Variants in TRPS1 observed in about 807,000 individuals in gnomAD.
TRPS1 encodes transcriptional repressor GATA binding 1, also known as zinc finger transcription factor Trps1.
In TRPS1, 6 loss-of-function variants were observed where a neutral mutation model predicts 101.2. That is an observed-to-expected ratio of 0.06 (90% confidence interval 0.03 to 0.12). The LOEUF (loss-of-function observed/expected upper bound fraction) is 0.12. TRPS1 is among the 10% of genes least tolerant of loss of function. The pLI is 1.00. For synonymous variants in TRPS1, 578 were observed against 589.8 expected (o/e 0.98, Z 0.29); for missense variants, 1,363 against 1,567.0 (o/e 0.87, Z 2.20).
intron 5 of TRPS1, among the ~76,000 whole-genome samples, chr8:115,527,024 C>T (rs1816014146): frequency 6.6e-6 from 1 of 152,074 alleles, no homozygotes; most frequent in African/African-American, 2.4e-5. Flanking sequence ...GGCCCAGCAT[C>T]CTTTGGGAAC....
chr8:115,633,085 A>AT (rs1818684818), intron 1 of TRPS1, among the ~76,000 whole-genome samples: 1 of 152,108 alleles, frequency 6.6e-6, no homozygotes, highest in Non-Finnish European at 1.5e-5. Flanking sequence ...TGATGAGCAA[A>AT]TCAAGCAATC....
rs1010641248 is a variant in TRPS1, at chr8:115,459,710, G to A, written c.2701-41258C>T. ...CAGAGTTCTCATTTCTTTTAATGTA[G>A]TTAGTTACACTATGAAATCCCTATA... On this transcript the variant is annotated intron_variant, in intron 5 of 6. Coordinates refer to ENST00000395715, the MANE Select transcript of TRPS1 (RefSeq NM_014112.5). Among the ~76,000 whole-genome samples, 9 of 152,208 alleles carry A rather than the reference G, an allele frequency of 5.9e-5. No homozygotes were observed. The East Asian group carries it at 1.7e-3, about 29-fold the overall frequency.
At chr8:115,638,658 C>T (rs1042297033) in intron 1 of TRPS1, among the ~76,000 whole-genome samples, 1 of 152,120 alleles carries the variant, frequency 6.6e-6, no homozygotes, top group Admixed American at 6.5e-5. Context: ...TTTACACATA[C>T]ACTCAGGAAA....
intron 5 of TRPS1, among the ~76,000 whole-genome samples, chr8:115,479,616 C>G (rs975864245): frequency 1.3e-5 from 2 of 152,066 alleles, no homozygotes; most frequent in African/African-American, 4.8e-5. Flanking sequence ...AATTTTGTAT[C>G]TAAATATTCC....
chr8:115,603,654 C>T (rs1010546011), intron 4 of TRPS1, among the ~76,000 whole-genome samples: 2 of 152,020 alleles, frequency 1.3e-5, no homozygotes, highest in Non-Finnish European at 2.9e-5. Flanking sequence ...GAAACATGAG[C>T]ATACAGTCCA....
intron 2 of TRPS1, 65 bp downstream of exon 2, chr8:115,623,536 A>G: frequency 6.4e-7 from 1 of 1,563,744 alleles, no homozygotes; most frequent in Non-Finnish European, 8.8e-7. Flanking sequence ...AGATTGCACG[A>G]TGTTTTACTG....
chr8:115,416,343 T>C lies in TRPS1; in HGVS notation c.2824-1259A>G, dbSNP rs1293027135. ...AAATCAAAGGAATCAGTTTGATAAATTAATGCGTATTTATAGGTTAAAAAT... is the reference window on the plus strand; with the variant it reads ...AAATCAAAGGAATCAGTTTGATAAACTAATGCGTATTTATAGGTTAAAAAT... On this transcript the variant is annotated intron_variant, in intron 6 of 6. Transcript: ENST00000395715. 2.0e-5 allele frequency among the ~76,000 whole-genome samples: 3 copies of C among 151,746 alleles called. No individual in the cohort carries two copies. In the East Asian group the frequency reaches 5.8e-4, roughly 29 times the overall value.
intron 1 of TRPS1, among the ~76,000 whole-genome samples, chr8:115,627,314 GT>G (rs1254388899): frequency 6.6e-6 from 1 of 151,532 alleles, no homozygotes; most frequent in Non-Finnish European, 1.5e-5. Flanking sequence ...TTTTCCTTTT[GT>G]TTTCCTCTCA....
At chr8:115,453,936 C>A (rs987255710) in intron 5 of TRPS1, among the ~76,000 whole-genome samples, 1 of 152,184 alleles carries the variant, frequency 6.6e-6, no homozygotes, top group Non-Finnish European at 1.5e-5. Context: ...GGTCATTCAA[C>A]TTCAGTGAAG....
chr8:115,528,438 G>T (rs1239607596), intron 5 of TRPS1, among the ~76,000 whole-genome samples: 1 of 152,012 alleles, frequency 6.6e-6, no homozygotes, highest in Non-Finnish European at 1.5e-5. Flanking sequence ...GAAAATGAGA[G>T]GGTCAGGATT....
At chr8:115,431,791 T>C (rs888972997) in intron 5 of TRPS1, among the ~76,000 whole-genome samples, 5 of 151,926 alleles carry the variant, frequency 3.3e-5, no homozygotes, top group African/African-American at 1.2e-4. Flanking sequence ...ATAAATAAAG[T>C]TGACTCACTT....
At chr8:115,658,466 C>T (rs563104057) in intron 1 of TRPS1, among the ~76,000 whole-genome samples, 1 of 152,152 alleles carries the variant, frequency 6.6e-6, no homozygotes, top group East Asian at 1.9e-4. Flanking sequence ...ATCCTAGTCC[C>T]CCTTCTGTTC....
rs1431493974 is a variant in TRPS1 at position 115,414,028 on chromosome 8, C to T, written c.3880G>A (p.Glu1294Lys). 1.9e-6 allele frequency: 3 copies of T among 1,613,534 alleles called. No homozygotes were observed. The highest frequency in any genetic ancestry group is 1.3e-5 in the African/African-American group (1 of 74,970). ...AQVEKNGKPK[E>K] is the part of the protein sequence containing the mutation. ...TTGTGCTAAGTGCTAAGGTTTTACT[C>T]TTTAGGTTTTCCATTTTTTTCCACT... Residue 1294 changes from glutamate to lysine, a missense_variant, in exon 7 of 7, where the codon GAG becomes AAG. Coordinates refer to ENST00000395715, the MANE Select transcript of TRPS1 (RefSeq NM_014112.5). This position sits in a 1 kb window ranked among gnomAD's most constrained non-coding sequence, Gnocchi z 4.8.
intron 5 of TRPS1, among the ~76,000 whole-genome samples, chr8:115,432,340 T>C (rs71508448): frequency 1 from 151,849 of 151,856 alleles, 75,921 homozygotes; most frequent in Non-Finnish European, 1. Context: ...GTGGCTAGAT[T>C]TTACATAGGC....
chr8:115,479,637 C>T (rs1011060745), intron 5 of TRPS1, among the ~76,000 whole-genome samples: 1 of 151,976 alleles, frequency 6.6e-6, no homozygotes. Flanking sequence ...CCTTTTCATA[C>T]GAATATGTCT....
chr8:115,424,318 C>T (rs903412094), intron 5 of TRPS1, among the ~76,000 whole-genome samples: 3 of 152,096 alleles, frequency 2.0e-5, no homozygotes, highest in East Asian at 3.9e-4. Flanking sequence ...TTCATGTTAG[C>T]GAAATGCATA....
At chr8:115,613,566 G>T (rs553017484) in intron 3 of TRPS1, among the ~76,000 whole-genome samples, 2 of 152,316 alleles carry the variant, frequency 1.3e-5, no homozygotes, top group East Asian at 3.9e-4. Flanking sequence ...GGCTTCCGTG[G>T]CCTGTCTATC....
chr8:115,578,710 T>A (rs1470735891), intron 5 of TRPS1, among the ~76,000 whole-genome samples: 1 of 152,110 alleles, frequency 6.6e-6, no homozygotes, highest in Admixed American at 6.6e-5. Context: ...AAAGGATACA[T>A]TAGATGCCAA....
intron 1 of TRPS1, among the ~76,000 whole-genome samples, chr8:115,667,073 T>G (rs992753875): frequency 1.9e-4 from 29 of 152,194 alleles, no homozygotes; most frequent in Admixed American, 1.9e-3. Context: ...ATCAATGGCT[T>G]ACTCAAAAAA....
Sources: allele counts gnomAD v4.1 joint callset (sites outside exome capture counted in the v4.1 genomes callset), GRCh38; gene constraint gnomAD v4.1.1; non-coding constraint Gnocchi (gnomAD v3.1); transcripts MANE v1.5; gene names NCBI Gene and HGNC (gene_info 2026-07-23, HGNC 2026-07-21).